Variants in BLTP1 observed in about 807,000 individuals in gnomAD.
The protein encoded by BLTP1 is fragile site-associated protein.
At chr4:122,234,842 T>G in the BLTP1 span, 1 of 1,613,868 alleles carries the variant, frequency 6.2e-7, no homozygotes, top group Non-Finnish European at 8.5e-7. Flanking sequence ...GTTGTCTCGG[T>G]GGCTGCAGAT....
the BLTP1 span, chr4:122,219,145 A>G: frequency 1.0e-6 from 1 of 984,846 alleles, no homozygotes; most frequent in Non-Finnish European, 1.2e-6. Flanking sequence ...ATTTTTTGCT[A>G]CTGAATATTT....
At chr4:122,246,668 T>C in the BLTP1 span, 3 of 1,600,142 alleles carry the variant, frequency 1.9e-6, no homozygotes, top group South Asian at 1.1e-5. Flanking sequence ...TTCTGAAATT[T>C]TGTGTGTGTG....
At chr4:122,306,115 T>C in the BLTP1 span, 1 of 1,425,806 alleles carries the variant, frequency 7.0e-7, no homozygotes, top group African/African-American at 1.5e-5. Context: ...ATAAGAATCT[T>C]GTAGTTTACT....
chr4:122,291,151 G>A, the BLTP1 span, among the ~76,000 whole-genome samples: 1 of 152,168 alleles, frequency 6.6e-6, no homozygotes, highest in Non-Finnish European at 1.5e-5. Context: ...ATGAAGACTT[G>A]CTGTTTACTG....
At chr4:122,259,030 G>C in the BLTP1 span, among the ~76,000 whole-genome samples, 1 of 150,936 alleles carries the variant, frequency 6.6e-6, no homozygotes, top group African/African-American at 2.5e-5. Context: ...AACTGCTGTT[G>C]ATTAAGGACC....
chr4:122,354,490 T>C, the BLTP1 span, among the ~76,000 whole-genome samples: 1 of 146,124 alleles, frequency 6.8e-6, no homozygotes, highest in Non-Finnish European at 1.5e-5. Context: ...TTTTTTTTCA[T>C]TTGATTAGAT....
chr4:122,315,508 G>A, the BLTP1 span: 1 of 1,614,138 alleles, frequency 6.2e-7, no homozygotes, highest in Non-Finnish European at 8.5e-7. Flanking sequence ...TGTGGAAAAT[G>A]TGTGGGATTG....
the BLTP1 span, chr4:122,336,360 A>G: frequency 6.4e-7 from 1 of 1,572,322 alleles, no homozygotes; most frequent in East Asian, 2.2e-5. Flanking sequence ...ACAGGTAAGC[A>G]TCCTTCTTAT....
At chr4:122,152,585 G>A in the BLTP1 span, 1 of 985,674 alleles carries the variant, frequency 1.0e-6, no homozygotes, top group Non-Finnish European at 1.2e-6. Flanking sequence ...ACTCGCCCAG[G>A]TGAGGGGATG....
chr4:122,277,746 A>G, the BLTP1 span: 21 of 980,810 alleles, frequency 2.1e-5, no homozygotes, highest in African/African-American at 3.0e-4. Flanking sequence ...TTCTTGTAAC[A>G]TAGTGGATGA....
the BLTP1 span, chr4:122,331,102 T>G: frequency 5.2e-6 from 5 of 962,218 alleles, no homozygotes; most frequent in Non-Finnish European, 4.9e-6. Flanking sequence ...TTAAAAGTGG[T>G]GATTATGTCT....
chr4:122,250,918 T>C, the BLTP1 span: 2 of 984,736 alleles, frequency 2.0e-6, no homozygotes, highest in Non-Finnish European at 2.4e-6. Flanking sequence ...GTCATTTTGT[T>C]ATTGGTAGTA....
the BLTP1 span, chr4:122,246,689 T>A: frequency 6.2e-7 from 1 of 1,611,910 alleles, no homozygotes; most frequent in South Asian, 1.1e-5. Context: ...TTAGGTAAAC[T>A]TATGTTTGTT....
At chr4:122,325,187 T>A in the BLTP1 span, 91 of 1,538,852 alleles carry the variant, frequency 5.9e-5, no homozygotes, top group Non-Finnish European at 7.1e-5. Flanking sequence ...GGAATTTTTT[T>A]AATGAGAATA....
At chr4:122,278,859 C>A in the BLTP1 span, among the ~76,000 whole-genome samples, 4 of 152,242 alleles carry the variant, frequency 2.6e-5, no homozygotes, top group South Asian at 6.2e-4. Context: ...TTCAAACTCC[C>A]GAGCTCAAGT....
At chr4:122,207,983 A>G in the BLTP1 span, 1 of 984,960 alleles carries the variant, frequency 1.0e-6, no homozygotes, top group Non-Finnish European at 1.2e-6. Flanking sequence ...TTAATTGTAA[A>G]CATGAATTCA....
At chr4:122,246,970 T>C in the BLTP1 span, 1 of 905,544 alleles carries the variant, frequency 1.1e-6, no homozygotes, top group Non-Finnish European at 1.3e-6. Context: ...TAGTAACATA[T>C]GTCTTTAAAA....
chr4:122,317,949 T>C, the BLTP1 span: 1 of 170,198 alleles, frequency 5.9e-6, no homozygotes, highest in Non-Finnish European at 1.2e-5. Flanking sequence ...TAAGACACAT[T>C]TCCTCAAACA....
the BLTP1 span, chr4:122,286,456 T>C: frequency 1.9e-6 from 3 of 1,567,350 alleles, no homozygotes; most frequent in Non-Finnish European, 2.6e-6. Flanking sequence ...CATGCATTTT[T>C]CTTAGATACC....
Sources: gnomAD v4.1 joint callset for allele counts (sites outside exome capture counted in the v4.1 genomes callset) on GRCh38, gnomAD v4.1.1 for gene constraint, MANE v1.5 for transcripts, NCBI Gene and HGNC (gene_info 2026-07-23, HGNC 2026-07-21) for gene names.